The following SYNE1 variants were observed in gnomAD, a reference collection of about 807,000 sequenced individuals.
SYNE1 encodes the protein spectrin repeat containing nuclear envelope protein 1, also known as nesprin-1.
In SYNE1, 616 loss-of-function variants were observed where a neutral mutation model predicts 1,111.0. That is an observed-to-expected ratio of 0.55 (90% CI 0.52 to 0.59). The LOEUF is 0.59. Among genes scored for constraint, SYNE1 ranks in the 20% least tolerant of loss-of-function variants. The pLI, the probability that SYNE1 is intolerant of heterozygous loss-of-function variation, is 0.00. For missense variants in SYNE1, 10,006 were observed against 10,417.0 expected (o/e 0.96, Z 1.72); for synonymous variants, 3,855 against 3,825.8 (o/e 1.01, Z -0.28).
rs370208787 is a variant in SYNE1 at position 152,510,239 on chromosome 6, T to A, written c.535A>T (p.Asn179Tyr). 6.2e-7 allele frequency: 1 copy of A among 1,614,076 alleles called. No homozygotes were observed. The highest frequency in any genetic ancestry group is 8.5e-7 in the Non-Finnish European group (1 of 1,179,974). ...KRKVTTKIQGNAKKALLKWVQ... is the reference protein window; with the variant it reads ...KRKVTTKIQGYAKKALLKWVQ... The stretch of plus-strand genomic sequence containing the variant: ...CACTTTAATAAAGCCTTCTTAGCAT[T>A]TCCTTGGATCTTGGTGGTCACCTTC... The change falls in exon 8 of 146, where the codon AAT becomes TAT. Residue 179 changes from asparagine to tyrosine, a missense_variant. Asn to Tyr is a moderately radical substitution (Grantham distance 143). Around this residue, in one of 7 missense-constraint regions of SYNE1, gnomAD observed 1,971 missense variants for 2,084.1 expected, o/e 0.95. Coordinates refer to ENST00000367255, the MANE Select transcript of SYNE1 (RefSeq NM_182961.4).
chr6:152,290,045 T>C (rs1354294084), intron 95 of SYNE1, among the ~76,000 whole-genome samples: 2 of 152,022 alleles, frequency 1.3e-5, no homozygotes, highest in East Asian at 1.9e-4. Flanking sequence ...ACCACAGTTC[T>C]TCTCACATTC....
At chr6:152,230,902 C>T (rs530983796) in intron 114 of SYNE1, among the ~76,000 whole-genome samples, 200 bp from the exon 115 acceptor site, 52 of 151,562 alleles carry the variant, frequency 3.4e-4, no homozygotes, top group African/African-American at 1.2e-3. Flanking sequence ...TGTCTTGAGC[C>T]ACACATAAAA....
At chr6:152,479,793 C>CAT (rs1220467744) in intron 14 of SYNE1, among the ~76,000 whole-genome samples, 66 of 152,242 alleles carry the variant, frequency 4.3e-4, no homozygotes, top group African/African-American at 1.2e-3. Flanking sequence ...TAAGTTCTTA[C>CAT]ACATATATAC....
chr6:152,286,490 T>C (rs369877035), intron 95 of SYNE1, among the ~76,000 whole-genome samples: 21 of 152,184 alleles, frequency 1.4e-4, no homozygotes, highest in African/African-American at 4.3e-4. Context: ...CATATTCCAC[T>C]GTCGCCTGGT....
At chr6:152,317,011 A>G (rs1198534872) in intron 86 of SYNE1, 25 bp from the exon 87 acceptor site, 1 of 1,612,800 alleles carries the variant, frequency 6.2e-7, no homozygotes, top group African/African-American at 1.3e-5. Flanking sequence ...ACATTAATGT[A>G]ACAAATGTAA....
intron 3 of SYNE1, among the ~76,000 whole-genome samples, chr6:152,575,309 T>A (rs2099491871): frequency 6.6e-6 from 1 of 152,214 alleles, no homozygotes; most frequent in Non-Finnish European, 1.5e-5. Context: ...CCTCTAGATT[T>A]GTATCTGTCA....
At chr6:152,257,388 C>G (rs745524564) in intron 101 of SYNE1, among the ~76,000 whole-genome samples, 31 of 152,066 alleles carry the variant, frequency 2.0e-4, no homozygotes, top group Non-Finnish European at 4.1e-4. Context: ...CAAAAAATAG[C>G]CAGGTATGGT....
chr6:152,336,023 T>C (rs1446335849), intron 76 of SYNE1: 1 of 151,412 alleles, frequency 6.6e-6, no homozygotes, highest in Non-Finnish European at 1.5e-5. Flanking sequence ...TTAAATTATA[T>C]ATAAATATGT....
intron 3 of SYNE1, among the ~76,000 whole-genome samples, chr6:152,542,144 T>A (rs560333140): frequency 5.7e-4 from 87 of 152,338 alleles, no homozygotes; most frequent in African/African-American, 2.1e-3. Context: ...CCCAAATCTC[T>A]GTCTTTGTCT....
chr6:152,466,105 T>C (rs748458839), intron 16 of SYNE1, 27 bp from the exon 17 acceptor site: 5 of 1,407,338 alleles, frequency 3.6e-6, no homozygotes, highest in South Asian at 1.2e-5. Context: ...GGTTAGAAGA[T>C]AGCAAACATT....
intron 16 of SYNE1, among the ~76,000 whole-genome samples, chr6:152,469,779 A>C (rs545744540): frequency 6.6e-6 from 1 of 152,280 alleles, no homozygotes; most frequent in Admixed American, 6.5e-5. Context: ...TACCACCTGG[A>C]GCGTGTGCCG....
At chr6:152,425,099 G>A (rs1326942207) in intron 39 of SYNE1, among the ~76,000 whole-genome samples, 3 of 152,102 alleles carry the variant, frequency 2.0e-5, no homozygotes, top group African/African-American at 7.2e-5. Flanking sequence ...AACAGCTTAA[G>A]CAATAAATAA....
Position 152,505,326 on chromosome 6 carries a change from T to G in SYNE1, c.653A>C (p.His218Pro). The G allele has an allele frequency of 1.2e-6, 2 of 1,614,108 alleles. No individual in the cohort carries two copies. Among genetic ancestry groups the G allele is most frequent in the Non-Finnish European group, 1.7e-6 (2 of 1,180,008 alleles). ...RSGVAFHSVI[H>P]AIRPELVDLE... ...GTCCACCAATTCCGGTCGAATGGCA[T>G]GAATAACTGAATGAAAGGCAACCCC... Residue 218 changes from histidine to proline, a missense_variant, in exon 9 of 146, where the codon CAT (histidine) becomes CCT (proline). Physicochemically the swap from His to Pro is moderately conservative, Grantham distance 77. Coordinates refer to ENST00000367255, the MANE Select transcript of SYNE1 (RefSeq NM_182961.4).
At chr6:152,469,422 A>G (rs1429848021) in intron 16 of SYNE1, among the ~76,000 whole-genome samples, 1 of 152,084 alleles carries the variant, frequency 6.6e-6, no homozygotes, top group African/African-American at 2.4e-5. Context: ...CAGTAGCTAA[A>G]CCATGACCAA....
chr6:152,415,590 A>G (rs1223149764), intron 41 of SYNE1, among the ~76,000 whole-genome samples: 3 of 152,080 alleles, frequency 2.0e-5, no homozygotes, highest in Non-Finnish European at 4.4e-5. Context: ...CACCAAAACT[A>G]CTAGGATCAC....
rs138794058 is a variant in SYNE1 at position 152,292,184 on chromosome 6, G to A, written c.18012+1404C>T. Among the ~76,000 whole-genome samples the A allele has an allele frequency of 5.9e-5, 9 of 152,320 alleles. No individual in the cohort carries two copies. The East Asian group carries it at 9.7e-4, about 16-fold the overall frequency. ...GGAGACACTGAGGCCCCTTTAGAAA[G>A]GAGAGGGGTTTGGGAGACTAGCAGT... On this transcript the variant is annotated intron_variant, in intron 95 of 145. Coordinates refer to ENST00000367255, the MANE Select transcript of SYNE1 (RefSeq NM_182961.4).
At chr6:152,231,123 T>A (rs2082665068) in intron 114 of SYNE1, among the ~76,000 whole-genome samples, 1 of 152,154 alleles carries the variant, frequency 6.6e-6, no homozygotes, top group African/African-American at 2.4e-5. Flanking sequence ...AAGAAAGGAC[T>A]AAAGTCAACT....
chr6:152,446,636 T>C (rs1401590405), intron 29 of SYNE1, among the ~76,000 whole-genome samples: 1 of 152,138 alleles, frequency 6.6e-6, no homozygotes, highest in Non-Finnish European at 1.5e-5. Flanking sequence ...TCCATGCAAG[T>C]TTCTACTTAA....
At chr6:152,468,188 T>C (rs992558123) in intron 16 of SYNE1, among the ~76,000 whole-genome samples, 2 of 152,174 alleles carry the variant, frequency 1.3e-5, no homozygotes, top group Admixed American at 6.6e-5. Context: ...ATAATAAATA[T>C]GAAGCTCATC....
Sources: gnomAD v4.1 joint callset for allele counts (sites outside exome capture counted in the v4.1 genomes callset) on GRCh38, gnomAD v4.1.1 for gene constraint, gnomAD v4.1.1 regional missense constraint, MANE v1.5 for transcripts, NCBI Gene and HGNC (gene_info 2026-07-23, HGNC 2026-07-21) for gene names.